The following G3BP2 variants were observed in gnomAD, a reference collection of about 807,000 sequenced individuals.
The protein encoded by G3BP2 is G3BP stress granule assembly factor 2.
In G3BP2, 11 loss-of-function variants were observed where a neutral mutation model predicts 56.7. The observed-to-expected ratio is 0.19, with a 90% CI of 0.12 to 0.32. G3BP2 has a LOEUF of 0.32. G3BP2 is among the 10% of genes least tolerant of loss of function. G3BP2 has a pLI of 1.00. For missense variants in G3BP2, 340 were observed against 610.9 expected, an observed-to-expected ratio of 0.56 and a Z score of 4.67; for synonymous variants, 165 against 191.6, an observed-to-expected ratio of 0.86 and a Z score of 1.15.
intron 3 of G3BP2, among the ~76,000 whole-genome samples, chr4:75,681,152 C>T (rs999161001): frequency 9.3e-5 from 14 of 150,484 alleles, no homozygotes; most frequent in Non-Finnish European, 1.6e-4. Context: ...GGTGAAACCC[C>T]GTCTCTATTA....
intron 9 of G3BP2, among the ~76,000 whole-genome samples, chr4:75,648,365 CA>C (rs35170246): frequency 0.87 from 123,300 of 142,406 alleles, 53,283 homozygotes; most frequent in East Asian, 0.92. Flanking sequence ...AACAAACAAA[CA>C]AAAAAAAAAA....
At chr4:75,650,082 A>C (rs115884994) in intron 8 of G3BP2, among the ~76,000 whole-genome samples, 7,779 of 152,182 alleles carry the variant, frequency 0.051, 256 homozygotes, top group Non-Finnish European at 0.075. Flanking sequence ...AGCGGCTCAA[A>C]CTCTTTAATC....
rs200663444 is a variant in G3BP2, at chr4:75,658,799, T to C, written c.177+44A>G. 8 of 1,202,510 alleles carry C rather than the reference T, an allele frequency of 6.7e-6. No individual in the cohort carries two copies. The African/African-American group carries it at 1.0e-4, about 16-fold the overall frequency. The allele number at this position is 1,202,510 out of a possible 1,614,324, so 74.5% of individuals were successfully genotyped here. On this transcript the variant is annotated intron_variant, in intron 3 of 11. Coordinates refer to ENST00000359707, the MANE Select transcript of G3BP2 (RefSeq NM_203505.3). ...AGAAGGCTATTTTTTAAAATCTCCA[T>C]CTTAACACAAAATTTCTAAACTACA...
intron 3 of G3BP2, chr4:75,695,018 A>T: frequency 4.0e-6 from 3 of 757,222 alleles, no homozygotes; most frequent in Non-Finnish European, 4.8e-6. Context: ...CCTGTGGCTC[A>T]AGAGCCAGTA....
At chr4:75,651,944 T>A (rs1274083502) in intron 8 of G3BP2, among the ~76,000 whole-genome samples, 1 of 152,246 alleles carries the variant, frequency 6.6e-6, no homozygotes, top group Non-Finnish European at 1.5e-5. Context: ...GGAATTAACT[T>A]CCTTTTATCA....
chr4:75,658,966 G>A, intron 2 of G3BP2, 42 bp from the exon 3 acceptor site: 1 of 1,399,500 alleles, frequency 7.1e-7, no homozygotes, highest in Non-Finnish European at 1.0e-6. Context: ...ATTGTCAAGA[G>A]AAGCCTAAGA....
At chr4:75,664,831 T>C (rs1512740) in intron 1 of G3BP2, among the ~76,000 whole-genome samples, 58,438 of 151,710 alleles carry the variant, frequency 0.39, 12,014 homozygotes, top group African/African-American at 0.5. Context: ...CCTGGGCAAC[T>C]GAGTAAGACT....
At chr4:75,658,457 G>A (rs556139177) in intron 3 of G3BP2, among the ~76,000 whole-genome samples, 77 of 150,650 alleles carry the variant, frequency 5.1e-4, no homozygotes, top group Middle Eastern at 3.5e-3. Context: ...CCGGCCGGGC[G>A]CGGTGGCTCA....
chr4:75,687,928 G>T (rs1413275784), intron 3 of G3BP2, among the ~76,000 whole-genome samples: 1 of 152,204 alleles, frequency 6.6e-6, no homozygotes, highest in Non-Finnish European at 1.5e-5. Flanking sequence ...TATTAGGAGG[G>T]TGTTAAGTTA....
chr4:75,657,227 CTAG>C (rs953458943), intron 4 of G3BP2, among the ~76,000 whole-genome samples: 6 of 152,126 alleles, frequency 3.9e-5, no homozygotes, highest in African/African-American at 9.7e-5. Flanking sequence ...TTGCACCAAC[CTAG>C]TAGAACTCAA....
intron 3 of G3BP2, among the ~76,000 whole-genome samples, 184 bp from the exon 4 acceptor site, chr4:75,657,914 G>A (rs1050284139): frequency 6.6e-6 from 1 of 152,130 alleles, no homozygotes; most frequent in Non-Finnish European, 1.5e-5. Context: ...AATCACAATA[G>A]CTCTCCAATA....
intron 1 of G3BP2, among the ~76,000 whole-genome samples, chr4:75,664,394 T>C (rs1367804576): frequency 1.3e-5 from 2 of 149,470 alleles, no homozygotes; most frequent in African/African-American, 4.9e-5. Context: ...CTGGCCAAAA[T>C]GGTAAAACCC....
In G3BP2 at chr4:75,646,319, T is replaced by C; in HGVS notation, c.1176+19A>G. The C allele has an allele frequency of 2.0e-6, 2 of 1,004,010 alleles. No individual in the cohort carries two copies. Among genetic ancestry groups the C allele is most frequent in the Middle Eastern group, 2.0e-4 (1 of 4,894 alleles). The allele number at this position is 1,004,010 out of a possible 1,614,324, so 62.2% of individuals were successfully genotyped here. On this transcript the variant is annotated intron_variant, in intron 11 of 11. Transcript: ENST00000359707. ...ACAGAAATAATAAAGTCTTGAATTA[T>C]GCCCTTTAAATCACTTACTTTTGCA...
intron 2 of G3BP2, chr4:75,661,398 G>C (rs1321954502): frequency 6.6e-6 from 1 of 152,006 alleles, no homozygotes; most frequent in Non-Finnish European, 1.5e-5. Flanking sequence ...CAAAGCGTTG[G>C]GATTACATGA....
chr4:75,717,621 T>C (rs908336276), intron 3 of G3BP2, among the ~76,000 whole-genome samples: 1 of 152,154 alleles, frequency 6.6e-6, no homozygotes, highest in Non-Finnish European at 1.5e-5. Context: ...TAAGCTTACA[T>C]GGAATCTTGG....
At chr4:75,677,025 A>C (rs1733900844), upstream of G3BP2, among the ~76,000 whole-genome samples, 2 of 152,224 alleles carry the variant, frequency 1.3e-5, no homozygotes, top group Non-Finnish European at 2.9e-5. Context: ...AAAGTAAATG[A>C]ATCAGACCCA....
chr4:75,683,655 G>T (rs1718444948), intron 3 of G3BP2, among the ~76,000 whole-genome samples: 1 of 152,094 alleles, frequency 6.6e-6, no homozygotes, highest in Non-Finnish European at 1.5e-5. Flanking sequence ...CTGCTGGACT[G>T]CCACTCTGAC....
At chr4:75,682,614 A>G (rs1170708215) in intron 3 of G3BP2, among the ~76,000 whole-genome samples, 1 of 152,184 alleles carries the variant, frequency 6.6e-6, no homozygotes, top group Non-Finnish European at 1.5e-5. Flanking sequence ...TATGGAAAAT[A>G]CAGGGCTTTC....
chr4:75,643,423 A>G lies in G3BP2; in HGVS notation c.*2007T>C, dbSNP rs1191679196. The G allele has an allele frequency of 6.7e-6, 1 of 150,118 alleles. No individual in the cohort carries two copies. The highest frequency in any genetic ancestry group is 1.5e-5 in the Non-Finnish European group (1 of 67,532). The allele number at this position is 150,118 out of a possible 1,614,324, so 9.3% of individuals were successfully genotyped here. A position where few individuals can be genotyped will look rare whatever the true frequency, so the allele number is the denominator to read the frequency against. On this transcript the variant is annotated 3_prime_UTR_variant, in exon 12 of 12. Coordinates refer to ENST00000359707, the MANE Select transcript of G3BP2 (RefSeq NM_203505.3). ...ATAAAGGCTTCAAAACTCCAAAGTA[A>G]TTTTCTGGTAAGAATTTCAAGTACT...
Sources: allele counts gnomAD v4.1 joint callset (sites outside exome capture counted in the v4.1 genomes callset), GRCh38; gene constraint gnomAD v4.1.1; transcripts MANE v1.5; gene names NCBI Gene and HGNC (gene_info 2026-07-23, HGNC 2026-07-21).